The following PLCB1 variants were observed in gnomAD, a reference collection of about 807,000 sequenced individuals.
The protein encoded by PLCB1 is phospholipase C beta 1.
Under a neutral mutation model 161.8 loss-of-function variants are expected in PLCB1, and 46 were observed. The observed-to-expected ratio is 0.28, with a 90% CI of 0.22 to 0.36. PLCB1 has a LOEUF of 0.36. Among genes scored for constraint, PLCB1 ranks in the 10% least tolerant of loss-of-function variants. PLCB1 has a pLI of 1.00. For synonymous variants in PLCB1, 517 were observed against 503.7 expected (o/e 1.03, Z -0.35); for missense variants, 1,016 against 1,472.5 (o/e 0.69, Z 5.07).
At position 8,564,377 on chromosome 20, in the gene PLCB1, A is replaced by G. The variant is rs183175314; in HGVS notation, c.247-63917A>G. Among the ~76,000 whole-genome samples the G allele has an allele frequency of 2.3e-3, 348 of 152,334 alleles. 3 individuals are homozygous for G. The highest frequency in any genetic ancestry group is 8.1e-3 in the African/African-American group (338 of 41,574). On this transcript the variant is annotated intron_variant, in intron 3 of 31. Coordinates refer to ENST00000338037, the MANE Select transcript of PLCB1 (RefSeq NM_015192.4). ...TTAAATGTAAGCTCTAAAACCATAA[A>G]AACCCTAGAAGAAAACCTAGGCAAT...
chr20:8,666,313 G>C (rs1321319433), intron 9 of PLCB1, among the ~76,000 whole-genome samples: 2 of 152,198 alleles, frequency 1.3e-5, no homozygotes, highest in African/African-American at 4.8e-5. Flanking sequence ...CCTTGTCTCA[G>C]ATCCTGTTTT....
chr20:8,259,348 G>C (rs1368237992), intron 2 of PLCB1, among the ~76,000 whole-genome samples: 1 of 152,170 alleles, frequency 6.6e-6, no homozygotes, highest in African/African-American at 2.4e-5. Flanking sequence ...TGGGCATGGT[G>C]GGTAGTGCCT....
At chr20:8,246,030 C>T (rs60800602) in intron 2 of PLCB1, among the ~76,000 whole-genome samples, 3,554 of 151,844 alleles carry the variant, frequency 0.023, 137 homozygotes, top group African/African-American at 0.08. Context: ...TGATGTTCAC[C>T]GTACCTTTTA....
chr20:8,759,522 C>T (rs976834408), intron 24 of PLCB1, among the ~76,000 whole-genome samples: 1 of 152,078 alleles, frequency 6.6e-6, no homozygotes. Flanking sequence ...TATTTTGAGA[C>T]AGAGTTTGGC....
chr20:8,243,998 G>A (rs1277406551), intron 2 of PLCB1, among the ~76,000 whole-genome samples: 4 of 151,000 alleles, frequency 2.6e-5, no homozygotes, highest in Non-Finnish European at 4.4e-5. Flanking sequence ...TTGTATCAGA[G>A]AATGTCATGG....
At chr20:8,237,997 C>G (rs200792670) in intron 2 of PLCB1, among the ~76,000 whole-genome samples, 3 of 152,034 alleles carry the variant, frequency 2.0e-5, no homozygotes, top group Non-Finnish European at 4.4e-5. Flanking sequence ...ATATTTGACT[C>G]TTTTCTAAGA....
chr20:8,210,142 A>T (rs1310244067), intron 2 of PLCB1, among the ~76,000 whole-genome samples: 2 of 152,148 alleles, frequency 1.3e-5, no homozygotes, highest in East Asian at 3.9e-4. Context: ...ATATCTCTTA[A>T]TAAGATAAAT....
chr20:8,565,210 C>T (rs1032034111), intron 3 of PLCB1, among the ~76,000 whole-genome samples: 31 of 152,184 alleles, frequency 2.0e-4, no homozygotes, highest in South Asian at 1.9e-3. Context: ...AGCTGGAAGC[C>T]GTCATTCTCA....
At chr20:8,679,538 G>C (rs1171475379) in intron 9 of PLCB1, among the ~76,000 whole-genome samples, 1 of 152,086 alleles carries the variant, frequency 6.6e-6, no homozygotes, top group Non-Finnish European at 1.5e-5. Context: ...TACACTTCAG[G>C]GTTTTAAAGC....
chr20:8,461,939 A>G (rs944834741), intron 3 of PLCB1, among the ~76,000 whole-genome samples: 2 of 152,282 alleles, frequency 1.3e-5, no homozygotes, highest in East Asian at 1.9e-4. Context: ...TGCTGAATAC[A>G]TAATTTCCCC....
chr20:8,327,231 T>C (rs1047749946), intron 2 of PLCB1, among the ~76,000 whole-genome samples: 2 of 152,224 alleles, frequency 1.3e-5, no homozygotes, highest in South Asian at 4.1e-4. Flanking sequence ...CAGTTTAATG[T>C]GACCCTACTC....
intron 3 of PLCB1, among the ~76,000 whole-genome samples, chr20:8,588,559 A>G (rs923642994): frequency 1.3e-5 from 2 of 152,118 alleles, no homozygotes; most frequent in Non-Finnish European, 1.5e-5. Flanking sequence ...TGGTGTCCTT[A>G]TAAGAGGAAG....
intron 3 of PLCB1, among the ~76,000 whole-genome samples, chr20:8,391,830 C>A (rs1410669786): frequency 7.4e-6 from 1 of 134,872 alleles, no homozygotes; most frequent in Non-Finnish European, 1.6e-5. Context: ...TATATACACA[C>A]ACATATATAT....
intron 3 of PLCB1, among the ~76,000 whole-genome samples, chr20:8,418,391 C>G (rs912871660): frequency 1.3e-5 from 2 of 152,068 alleles, no homozygotes; most frequent in African/African-American, 4.8e-5. Context: ...ACTCACTGGG[C>G]GATGTGTTCT....
At chr20:8,713,827 T>C (rs1265616839) in intron 12 of PLCB1, among the ~76,000 whole-genome samples, 1 of 152,182 alleles carries the variant, frequency 6.6e-6, no homozygotes, top group African/African-American at 2.4e-5. Flanking sequence ...CTCAGGTGAT[T>C]CCTTAGTGGA....
intron 8 of PLCB1, among the ~76,000 whole-genome samples, 187 bp from the exon 9 acceptor site, chr20:8,658,351 A>G (rs1200075178): frequency 2.0e-5 from 3 of 152,158 alleles, no homozygotes; most frequent in Non-Finnish European, 4.4e-5. Context: ...ATTGCACAAG[A>G]TATTTGTAGC....
chr20:8,215,206 C>G (rs1204240769), intron 2 of PLCB1, among the ~76,000 whole-genome samples: 1 of 151,968 alleles, frequency 6.6e-6, no homozygotes, highest in Admixed American at 6.6e-5. Context: ...TTCCACCACA[C>G]TATAAATAAA....
rs527656804 is a variant in PLCB1, at chr20:8,473,763, T to C, written c.246+102313T>C. Among the ~76,000 whole-genome samples the C allele has an allele frequency of 7.2e-5, 11 of 152,326 alleles. No individual in the cohort carries two copies. The East Asian group carries it at 1.9e-3, about 27-fold the overall frequency. ...GTGTTTCAGAAGAGTTAAGGCATGA[T>C]GTCATTATTCCTGAAGTGGATTCTT... is the stretch of plus-strand genomic sequence containing the variant. On this transcript the variant is annotated intron_variant, in intron 3 of 31. Transcript: ENST00000338037.
intron 3 of PLCB1, among the ~76,000 whole-genome samples, chr20:8,614,584 C>CTGTGTGTGTGTG (rs71331317): frequency 1.7e-4 from 25 of 147,236 alleles, no homozygotes; most frequent in African/African-American, 4.8e-4. Flanking sequence ...ATGTAAAATT[C>CTGTGTGTGTGTG]TGTGTGTGTG....
Sources: gnomAD v4.1 joint callset for allele counts (sites outside exome capture counted in the v4.1 genomes callset) on GRCh38, gnomAD v4.1.1 for gene constraint, MANE v1.5 for transcripts, NCBI Gene and HGNC (gene_info 2026-07-23, HGNC 2026-07-21) for gene names.